The following SCAF8 variants were observed in gnomAD, a reference collection of about 807,000 sequenced individuals.
SCAF8 encodes SR-related CTD associated factor 8, also known as SR-related and CTD-associated factor 8.
SCAF8 carries 23 observed loss-of-function variants against 140.5 expected under a neutral mutation model. That is an observed-to-expected ratio of 0.16 (90% CI 0.12 to 0.23). The LOEUF is 0.23. Among genes scored for constraint, SCAF8 ranks in the 10% least tolerant of loss-of-function variants. The pLI is 1.00. For missense variants in SCAF8, 1,397 were observed against 1,555.7 expected, an observed-to-expected ratio of 0.90 and a Z score of 1.72; for synonymous variants, 575 against 528.9, an observed-to-expected ratio of 1.09 and a Z score of -1.20.
intron 1 of SCAF8, among the ~76,000 whole-genome samples, chr6:154,758,829 G>T: frequency 6.6e-6 from 1 of 152,200 alleles, no homozygotes; most frequent in East Asian, 1.9e-4. Context: ...GGCCAGAAGG[G>T]AGAAGGGGAA....
intron 1 of SCAF8, among the ~76,000 whole-genome samples, chr6:154,770,369 T>TACACACACACAC (rs1226898910): frequency 1.4e-5 from 2 of 146,368 alleles, no homozygotes; most frequent in Non-Finnish European, 3.0e-5. Flanking sequence ...GAGGTTGAGG[T>TACACACACACAC]ACACACACAC....
chr6:154,796,207 A>T (rs1777597518), intron 6 of SCAF8, among the ~76,000 whole-genome samples: 1 of 151,982 alleles, frequency 6.6e-6, no homozygotes, highest in African/African-American at 2.4e-5. Context: ...TTGTTTCGAG[A>T]TATGTATTTT....
intron 1 of SCAF8, among the ~76,000 whole-genome samples, chr6:154,735,041 T>G (rs1778376345): frequency 6.6e-6 from 1 of 151,854 alleles, no homozygotes; most frequent in Non-Finnish European, 1.5e-5. Flanking sequence ...GGAGAATCGC[T>G]TGAACCTGGG....
At chr6:154,766,786 GT>G (rs1776584542) in intron 1 of SCAF8, among the ~76,000 whole-genome samples, 1 of 148,128 alleles carries the variant, frequency 6.8e-6, no homozygotes, top group African/African-American at 2.5e-5. Flanking sequence ...GGAATTTATT[GT>G]TTTGTGCTTC....
chr6:154,809,717 G>A (rs1778032042), intron 11 of SCAF8, among the ~76,000 whole-genome samples: 1 of 152,102 alleles, frequency 6.6e-6, no homozygotes, highest in Non-Finnish European at 1.5e-5. Context: ...CTGTTCTTCT[G>A]TTTGAAAAAT....
chr6:154,768,830 A>G (rs1032338227), intron 1 of SCAF8, among the ~76,000 whole-genome samples: 2 of 152,194 alleles, frequency 1.3e-5, no homozygotes, highest in East Asian at 1.9e-4. Flanking sequence ...TGGGAAGCCA[A>G]GGTGGGTGGA....
chr6:154,759,563 G>A (rs767431203), intron 1 of SCAF8, among the ~76,000 whole-genome samples: 9 of 151,832 alleles, frequency 5.9e-5, no homozygotes, highest in Non-Finnish European at 7.4e-5. Context: ...ATGAGAAAGC[G>A]TATGAGCATT....
At chr6:154,788,841 C>A (rs1047907142) in intron 4 of SCAF8, among the ~76,000 whole-genome samples, 10 of 152,030 alleles carry the variant, frequency 6.6e-5, no homozygotes, top group African/African-American at 1.9e-4. Flanking sequence ...TTTATTTGCT[C>A]TGAGAGGTTA....
chr6:154,796,389 C>CTCTGTCTG (rs1554261842), intron 6 of SCAF8, among the ~76,000 whole-genome samples: 1,994 of 141,032 alleles, frequency 0.014, 49 homozygotes, highest in East Asian at 0.043. Context: ...CTCTCTCTCT[C>CTCTGTCTG]TCTGTCTCTC....
chr6:154,784,027 A>G (rs932095955), intron 3 of SCAF8, among the ~76,000 whole-genome samples: 1 of 151,484 alleles, frequency 6.6e-6, no homozygotes, highest in Non-Finnish European at 1.5e-5. Context: ...AGATCATGCC[A>G]CTGCACTCCA....
At chr6:154,747,232 C>T (rs1017269932) in intron 1 of SCAF8, among the ~76,000 whole-genome samples, 6 of 151,926 alleles carry the variant, frequency 3.9e-5, no homozygotes, top group Admixed American at 2.0e-4. Context: ...TAGAACCGTG[C>T]GGCTGAGTGT....
At chr6:154,803,172 T>A (rs1777818739) in intron 7 of SCAF8, among the ~76,000 whole-genome samples, 1 of 152,164 alleles carries the variant, frequency 6.6e-6, no homozygotes, top group African/African-American at 2.4e-5. Context: ...TTCAGAAGAA[T>A]AACAGCATTC....
rs1778501312 is a variant in SCAF8 at position 154,824,286 on chromosome 6, C to G, written c.1979C>G (p.Pro660Arg). 4 of 1,614,084 alleles carry G rather than the reference C, an allele frequency of 2.5e-6. No individual in the cohort carries two copies. Among genetic ancestry groups the G allele is most frequent in the Non-Finnish European group, 3.4e-6 (4 of 1,179,920 alleles). ...GTTAGTTTAGTCCCACCAGCATTTC[C>G]TGTGTCGATGCCGGTTCCTCCTCCT... Reference protein sequence around the residue: ...PTVSLVPPAFPVSMPVPPPGF... With the variant: ...PTVSLVPPAFRVSMPVPPPGF... Residue 660 changes from proline (P) to arginine (R), a missense_variant, in exon 17 of 20, where the codon CCT (proline) becomes CGT (arginine). Physicochemically the swap from Pro to Arg is moderately radical, Grantham distance 103 (BLOSUM62 -2). Coordinates refer to ENST00000367178, the MANE Select transcript of SCAF8 (RefSeq NM_014892.5).
At chr6:154,764,031 A>G (rs535966747) in intron 1 of SCAF8, among the ~76,000 whole-genome samples, 205 of 152,194 alleles carry the variant, frequency 1.3e-3, no homozygotes, top group Non-Finnish European at 2.5e-3. Context: ...AAGTTTTGTG[A>G]TGGAGTAGCC....
intron 15 of SCAF8, 67 bp downstream of exon 15, chr6:154,820,400 T>A (rs971853559): frequency 7.3e-7 from 1 of 1,363,210 alleles, no homozygotes. Flanking sequence ...CTGAAGTGAA[T>A]TTGGGATGAC....
In SCAF8 at chr6:154,808,757, G is replaced by A. The variant is rs746099059; in HGVS notation, c.1185G>A (p.Ala395=). The change falls in exon 11 of 20, where the codon GCG becomes GCA. Residue 395 remains alanine (A), a synonymous_variant. Coordinates refer to ENST00000367178, the MANE Select transcript of SCAF8 (RefSeq NM_014892.5). ...EVFEQEAKKV[A]VRSRSRTHSR... ...TTGAACAAGAAGCTAAGAAAGTGGC[G>A]GTTCGCTCAAGATCAAGAACACATT... 20 of 1,613,598 alleles carry A rather than the reference G, an allele frequency of 1.2e-5. No individual in the cohort carries two copies. Among genetic ancestry groups the A allele is most frequent in the Middle Eastern group, 1.6e-4 (1 of 6,080 alleles).
chr6:154,828,279 C>T (rs765443179), intron 18 of SCAF8, among the ~76,000 whole-genome samples: 3 of 152,082 alleles, frequency 2.0e-5, no homozygotes, highest in Non-Finnish European at 4.4e-5. Context: ...GGTAATGGTA[C>T]TTAGTTACCT....
intron 7 of SCAF8, among the ~76,000 whole-genome samples, chr6:154,802,951 T>C (rs1777811649): frequency 6.6e-6 from 1 of 152,236 alleles, no homozygotes; most frequent in Non-Finnish European, 1.5e-5. Flanking sequence ...ATGTACAATT[T>C]AGTGTGTGAT....
intron 3 of SCAF8, among the ~76,000 whole-genome samples, chr6:154,782,092 C>G (rs1777102104): frequency 6.6e-6 from 1 of 152,138 alleles, no homozygotes; most frequent in Non-Finnish European, 1.5e-5. Context: ...TGCCAAAAAT[C>G]AGTTCATATG....
Sources: gnomAD v4.1 joint callset for allele counts (sites outside exome capture counted in the v4.1 genomes callset) on GRCh38, gnomAD v4.1.1 for gene constraint, MANE v1.5 for transcripts, NCBI Gene and HGNC (gene_info 2026-07-23, HGNC 2026-07-21) for gene names.